ZNF90: variants seen among roughly 807,000 people sequenced by gnomAD.
ZNF90 encodes the protein zinc finger protein 90, also known as zinc finger protein HTF9.
Under a neutral mutation model 12.0 loss-of-function variants are expected in ZNF90, and 11 were observed. The ratio of observed to expected loss-of-function variants is 0.92; its 90% CI spans 0.58 to 1.52. The LOEUF (loss-of-function observed/expected upper bound fraction) is 1.52. Among genes scored for constraint, ZNF90 ranks in the 40% most tolerant of loss-of-function variants. The pLI is 0.00. For synonymous variants in ZNF90, 232 were observed against 240.1 expected (o/e 0.97, Z 0.31); for missense variants, 765 against 711.5 (o/e 1.08, Z -0.86).
intron 1 of ZNF90, among the ~76,000 whole-genome samples, chr19:20,103,979 T>A (rs2089009934): frequency 6.6e-6 from 1 of 152,238 alleles, no homozygotes; most frequent in Non-Finnish European, 1.5e-5. Flanking sequence ...CATGTTCATG[T>A]TCATGCCCTT....
At position 20,078,014 on chromosome 19, in the gene ZNF90, T is replaced by C. The variant is rs73536227; in HGVS notation, c.-119T>C. On this transcript the variant is annotated 5_prime_UTR_variant, in exon 1 of 4. Transcript: ENST00000418063. ...TTTGGCGCGGCCATTTGTCTCTTGC[T>C]GCAGCTGGTGCTCCAAATCTGGTCT... 930 of 1,338,282 alleles carry C rather than the reference T, an allele frequency of 6.9e-4. 5 individuals are homozygous for C. In the African/African-American group the frequency reaches 9.5e-3, roughly 14 times the overall value. The allele number at this position is 1,338,282 out of a possible 1,614,324, so 82.9% of individuals were successfully genotyped here.
chr19:20,118,516 C>G lies in ZNF90; in HGVS notation c.962C>G (p.Ala321Gly), dbSNP rs782351604. The change falls in exon 4 of 4, where the codon GCC (alanine) becomes GGC (glycine). Residue 321 changes from alanine to glycine, a missense_variant. By Grantham distance (60) the Ala-to-Gly change is moderately conservative. Coordinates refer to ENST00000418063, the MANE Select transcript of ZNF90 (RefSeq NM_007138.2). ...KPYKCEECGK[A>G]FKLSSILSTH... Reference sequence around the variant, plus strand: ...TACAAATGTGAAGAATGTGGCAAAGCCTTCAAGCTCTCCTCAATCCTTAGT... The same window carrying G: ...TACAAATGTGAAGAATGTGGCAAAGGCTTCAAGCTCTCCTCAATCCTTAGT... 3.0e-5 allele frequency: 49 copies of G among 1,613,148 alleles called. No homozygotes were observed. In the Middle Eastern group the frequency reaches 6.6e-4, roughly 22 times the overall value.
chr19:20,102,650 G>A (rs551643312), intron 1 of ZNF90, among the ~76,000 whole-genome samples: 2 of 152,258 alleles, frequency 1.3e-5, no homozygotes, highest in African/African-American at 4.8e-5. Context: ...TCTTAAAAAT[G>A]TTTCCTTTGT....
chr19:20,115,131 T>C (rs1189971755), intron 3 of ZNF90, among the ~76,000 whole-genome samples: 2 of 152,162 alleles, frequency 1.3e-5, no homozygotes, highest in African/African-American at 4.8e-5. Context: ...TTGTGACCTC[T>C]TCTGCTCTCA....
chr19:20,091,034 G>C (rs1323743232), intron 1 of ZNF90, among the ~76,000 whole-genome samples: 1 of 152,174 alleles, frequency 6.6e-6, no homozygotes, highest in African/African-American at 2.4e-5. Flanking sequence ...AGACTGTATA[G>C]AGGTGGGAAG....
At position 20,119,273 on chromosome 19, in the gene ZNF90, T is replaced by A. The variant is rs782396210; in HGVS notation, c.1719T>A (p.Ala573=). 1.9e-6 allele frequency: 3 copies of A among 1,613,432 alleles called. No homozygotes were observed. In the African/African-American group the frequency reaches 4.0e-5, roughly 22 times the overall value. The change falls in exon 4 of 4, where the codon GCT becomes GCA. Residue 573 remains alanine, a synonymous_variant. Transcript: ENST00000418063. ...ACAAATGTGAAGAATGTGGCAAAGC[T>A]TTTAACTTGTCCTCAGACCTTAATA... ...KPYKCEECGK[A]FNLSSDLNTH...
chr19:20,092,178 A>G (rs1473555532), intron 1 of ZNF90, among the ~76,000 whole-genome samples: 1 of 152,238 alleles, frequency 6.6e-6, no homozygotes, highest in Non-Finnish European at 1.5e-5. Context: ...AAGAGTGAGT[A>G]TAGCAGAAGG....
intron 1 of ZNF90, 148 bp downstream of exon 1, chr19:20,078,283 C>A (rs777071086): frequency 1.0e-5 from 11 of 1,072,244 alleles, no homozygotes; most frequent in Non-Finnish European, 1.5e-5. Context: ...CAGTCCCCTT[C>A]AGCCATAAGA....
intron 3 of ZNF90, among the ~76,000 whole-genome samples, chr19:20,112,585 G>A (rs1416962573): frequency 6.6e-6 from 1 of 152,098 alleles, no homozygotes; most frequent in African/African-American, 2.4e-5. Context: ...GCCTCCCAAA[G>A]TGTTGGGATT....
chr19:20,101,766 A>G (rs1435172377), intron 1 of ZNF90, among the ~76,000 whole-genome samples: 6 of 149,534 alleles, frequency 4.0e-5, no homozygotes, highest in Admixed American at 1.3e-4. Flanking sequence ...GAGGAGAAAG[A>G]AAAAAAAATG....
At chr19:20,105,080 C>G (rs1253664675) in intron 2 of ZNF90, 141 bp from the exon 3 acceptor site, 2 of 444,334 alleles carry the variant, frequency 4.5e-6, no homozygotes, top group African/African-American at 4.2e-5. Flanking sequence ...AAAGTATTTT[C>G]TAAATCTTTT....
Position 20,120,702 on chromosome 19 carries a change from A to C in ZNF90, c.*1342A>C, listed in dbSNP as rs975306680. On this transcript the variant is annotated 3_prime_UTR_variant, in exon 4 of 4. Coordinates refer to ENST00000418063, the MANE Select transcript of ZNF90 (RefSeq NM_007138.2). ...CACTAAAACAGTGTTGAGTATAAAA[A>C]AGAATCCACAACAAAAATTGTTAGA... 6.6e-6 allele frequency: 1 copy of C among 152,238 alleles called. No homozygotes were observed. The highest frequency in any genetic ancestry group is 6.5e-5 in the Admixed American group (1 of 15,288). 9.4% of individuals were successfully genotyped at this position (152,238 alleles called of 1,614,324 possible).
Position 20,093,349 on chromosome 19 carries a change from C to G in ZNF90, c.4-10890C>G, listed in dbSNP as rs541919209. 6.8e-4 allele frequency among the ~76,000 whole-genome samples: 103 copies of G among 152,206 alleles called. 1 individual carries two copies. Among genetic ancestry groups the G allele is most frequent in the Admixed American group, 4.6e-4 (7 of 15,288 alleles). ...CAGGCTTTAATCATTTTAAAGCATGCTGTGGGATGGAATATTGGTGTTGAG... is the reference window on the plus strand; with the variant it reads ...CAGGCTTTAATCATTTTAAAGCATGGTGTGGGATGGAATATTGGTGTTGAG... On this transcript the variant is annotated intron_variant, in intron 1 of 3. Coordinates refer to ENST00000418063, the MANE Select transcript of ZNF90 (RefSeq NM_007138.2).
intron 3 of ZNF90, among the ~76,000 whole-genome samples, chr19:20,106,602 C>A (rs926635021): frequency 1.1e-4 from 17 of 152,170 alleles, no homozygotes; most frequent in Non-Finnish European, 2.4e-4. Context: ...TACAGGCACC[C>A]GCCACCACGC....
chr19:20,118,015 C>G lies in ZNF90; in HGVS notation c.461C>G (p.Ser154Cys). 1 of 1,612,250 alleles carries G rather than the reference C, an allele frequency of 6.2e-7. No homozygotes were observed. The highest frequency in any genetic ancestry group is 8.5e-7 in the Non-Finnish European group (1 of 1,179,126). Residue 154 changes from serine (S) to cysteine (C), a missense_variant, in exon 4 of 4, where the codon TCT becomes TGT. Transcript: ENST00000418063. ...VFQCDTYVKV[S>C]HIFSNSNRHK... The stretch of plus-strand genomic sequence containing the variant: ...CAATGTGATACATATGTGAAAGTCT[C>G]TCATATATTTTCAAATTCAAACAGA...
intron 3 of ZNF90, among the ~76,000 whole-genome samples, chr19:20,117,013 TTGTG>T (rs371655051): frequency 0.012 from 1,545 of 128,672 alleles, 20 homozygotes; most frequent in Non-Finnish European, 0.016. Flanking sequence ...CAACTTACAT[TTGTG>T]TGTGTGTGTG....
rs542291933 is a variant in ZNF90 at position 20,105,310 on chromosome 19, T to C, written c.220T>C (p.Ser74Pro). 51 of 1,604,748 alleles carry C rather than the reference T, an allele frequency of 3.2e-5. No homozygotes were observed. The African/African-American group carries it at 5.5e-4, about 17-fold the overall frequency. The change falls in exon 3 of 4, where the codon TCC (serine) becomes CCC (proline). Residue 74 changes from serine to proline, a missense_variant. Ser to Pro is a moderately conservative substitution (Grantham distance 74, BLOSUM62 -1). Transcript: ENST00000418063. The stretch of plus-strand genomic sequence containing the variant: ...GAAGAGACATGAGATGATTGCCAAA[T>C]CCCCAGGTAGGTGCGAGTGAAAATG... ...TVKRHEMIAK[S>P]PVMCFHFAQD...
At chr19:20,106,280 G>T (rs1555704425) in intron 3 of ZNF90, among the ~76,000 whole-genome samples, 2 of 151,792 alleles carry the variant, frequency 1.3e-5, no homozygotes, top group South Asian at 4.1e-4. Flanking sequence ...ATATAAGATT[G>T]TATGATCTAG....
At chr19:20,101,725 G>A (rs2088991694) in intron 1 of ZNF90, among the ~76,000 whole-genome samples, 1 of 152,070 alleles carries the variant, frequency 6.6e-6, no homozygotes. Flanking sequence ...TTTCTCCAGA[G>A]AATGTCATTT....
Sources: allele counts gnomAD v4.1 joint callset (sites outside exome capture counted in the v4.1 genomes callset), GRCh38; gene constraint gnomAD v4.1.1; transcripts MANE v1.5; gene names NCBI Gene and HGNC (gene_info 2026-07-23, HGNC 2026-07-21).